TAF4B: variants seen among roughly 807,000 people sequenced by gnomAD.
TAF4B encodes transcription initiation factor TFIID subunit 4B.
TAF4B carries 38 observed loss-of-function variants against 86.4 expected under a neutral mutation model. The ratio of observed to expected loss-of-function variants is 0.44; its 90% CI spans 0.34 to 0.58. TAF4B has a LOEUF of 0.58. Ranked by LOEUF, TAF4B falls within the 20% of genes least tolerant of loss-of-function variation. TAF4B has a pLI of 0.02. For synonymous variants in TAF4B, 388 were observed against 391.2 expected, an observed-to-expected ratio of 0.99 and a Z score of 0.10; for missense variants, 988 against 1,027.6, an observed-to-expected ratio of 0.96 and a Z score of 0.53.
At chr18:26,276,589 C>T (rs1677278958) in intron 5 of TAF4B, among the ~76,000 whole-genome samples, 1 of 152,096 alleles carries the variant, frequency 6.6e-6, no homozygotes, top group South Asian at 2.1e-4. Context: ...TTAATGCTGC[C>T]TGTAAGATGT....
intron 10 of TAF4B, 74 bp downstream of exon 10, chr18:26,315,472 C>A: frequency 8.0e-7 from 1 of 1,247,924 alleles, no homozygotes; most frequent in Non-Finnish European, 1.1e-6. Flanking sequence ...AAGAGACAAC[C>A]TGGGTTGGTT....
intron 13 of TAF4B, among the ~76,000 whole-genome samples, chr18:26,336,487 A>C (rs1285019971): frequency 6.6e-6 from 1 of 152,080 alleles, no homozygotes; most frequent in Non-Finnish European, 1.5e-5. Context: ...AAATACATGA[A>C]CTCTGGGTGG....
chr18:26,281,105 G>A (rs542768039), intron 5 of TAF4B, among the ~76,000 whole-genome samples: 5 of 152,204 alleles, frequency 3.3e-5, no homozygotes, highest in East Asian at 3.9e-4. Flanking sequence ...ACACTTGGAC[G>A]TAAAGATGGG....
At chr18:26,289,661 A>G (rs529958768) in intron 7 of TAF4B, among the ~76,000 whole-genome samples, 1 of 152,112 alleles carries the variant, frequency 6.6e-6, no homozygotes, top group Non-Finnish European at 1.5e-5. Context: ...TAATTTTTCT[A>G]TGTTTTTAGT....
At chr18:26,285,818 A>T in intron 6 of TAF4B, 64 bp from the exon 7 acceptor site, 7 of 1,542,288 alleles carry the variant, frequency 4.5e-6, no homozygotes, top group Non-Finnish European at 6.1e-6. Context: ...ATGAAATACC[A>T]CATTTTGTTT....
intron 14 of TAF4B, among the ~76,000 whole-genome samples, chr18:26,364,656 A>G (rs982783537): frequency 2.0e-5 from 3 of 152,190 alleles, no homozygotes; most frequent in African/African-American, 4.8e-5. Context: ...TAGCACAAAG[A>G]TAAGTTACAT....
intron 10 of TAF4B, among the ~76,000 whole-genome samples, chr18:26,320,331 AT>A (rs535033071): frequency 1.1e-3 from 174 of 152,310 alleles, no homozygotes; most frequent in African/African-American, 3.9e-3. Context: ...TACTATTTAA[AT>A]TACGGACAAG....
At chr18:26,352,677 GC>G (rs950035180) in intron 13 of TAF4B, among the ~76,000 whole-genome samples, 2 of 152,094 alleles carry the variant, frequency 1.3e-5, no homozygotes, top group Non-Finnish European at 2.9e-5. Flanking sequence ...GATCCCATAA[GC>G]CCAGGAGGTG....
intron 14 of TAF4B, among the ~76,000 whole-genome samples, chr18:26,364,408 C>G (rs1373968086): frequency 6.9e-6 from 1 of 144,268 alleles, no homozygotes; most frequent in East Asian, 1.9e-4. Context: ...GTAGGCCGTA[C>G]AGATATTGAT....
Position 26,335,232 on chromosome 18 carries a change from G to GT in TAF4B, c.2316+2dup. On this transcript the variant is annotated splice_donor_variant, in intron 13 of 14. Transcript: ENST00000269142. LOFTEE classifies it high-confidence loss of function. ...GAGATTAAAGCAGAAAGCCAAAGAG[G>GT]TAGGACTTTCAAGTTACCATGCTTG... The GT allele has an allele frequency of 6.2e-7, 1 of 1,613,208 alleles. No homozygotes were observed. The highest frequency in any genetic ancestry group is 1.1e-5 in the South Asian group (1 of 90,962).
At chr18:26,255,791 A>G in intron 1 of TAF4B, 3 of 1,502,046 alleles carry the variant, frequency 2.0e-6, no homozygotes, top group South Asian at 1.1e-5. Flanking sequence ...GCTTGAAGAG[A>G]TGTGTGTCAA....
chr18:26,303,851 T>C (rs2144641171), intron 9 of TAF4B, among the ~76,000 whole-genome samples: 1 of 152,302 alleles, frequency 6.6e-6, no homozygotes, highest in Non-Finnish European at 1.5e-5. Flanking sequence ...ATAATTTGGA[T>C]CCTTCTATGA....
At chr18:26,354,904 T>A (rs973624020) in intron 13 of TAF4B, among the ~76,000 whole-genome samples, 1 of 152,222 alleles carries the variant, frequency 6.6e-6, no homozygotes, top group African/African-American at 2.4e-5. Context: ...TTTCTTTCCA[T>A]ATAAACTTTA....
intron 3 of TAF4B, among the ~76,000 whole-genome samples, chr18:26,274,051 G>A (rs755531558): frequency 5.9e-5 from 9 of 152,086 alleles, no homozygotes; most frequent in Admixed American, 1.3e-4. Context: ...TTGCTTGTAT[G>A]AGGTTTTTGT....
intron 14 of TAF4B, among the ~76,000 whole-genome samples, chr18:26,386,996 T>C (rs1168950700): frequency 1.3e-5 from 2 of 152,240 alleles, no homozygotes; most frequent in African/African-American, 4.8e-5. Context: ...TTTATAAACA[T>C]ATAGATACAG....
At chr18:26,367,638 C>A (rs937235302) in intron 14 of TAF4B, among the ~76,000 whole-genome samples, 1 of 152,120 alleles carries the variant, frequency 6.6e-6, no homozygotes, top group African/African-American at 2.4e-5. Flanking sequence ...AATGTTTTAC[C>A]AGCTATCTGG....
In TAF4B at chr18:26,226,924, C is replaced by T. The variant is rs1881785825; in HGVS notation, c.-10C>T. On this transcript the variant is annotated 5_prime_UTR_variant, in exon 1 of 15. Coordinates refer to ENST00000269142, the MANE Select transcript of TAF4B (RefSeq NM_005640.3). ...CCGCAGCGCCAAAGCTGCCGCTGAG[C>T]CCCTGGGGGATGCCCGCCGGCCTCA... 9 of 1,368,660 alleles carry T rather than the reference C, an allele frequency of 6.6e-6. No homozygotes were observed. In the South Asian group the frequency reaches 1.0e-4, roughly 16 times the overall value. The allele number at this position is 1,368,660 out of a possible 1,614,324, so 84.8% of individuals were successfully genotyped here. A position where few individuals can be genotyped will look rare whatever the true frequency, so the allele number is the denominator to read the frequency against.
At chr18:26,293,973 G>A (rs929227666) in intron 9 of TAF4B, among the ~76,000 whole-genome samples, 1 of 152,124 alleles carries the variant, frequency 6.6e-6, no homozygotes, top group Non-Finnish European at 1.5e-5. Flanking sequence ...TGGAATATTA[G>A]ACGATGGTTC....
intron 1 of TAF4B, among the ~76,000 whole-genome samples, chr18:26,257,978 G>A (rs2056110130): frequency 6.6e-6 from 1 of 152,060 alleles, no homozygotes; most frequent in Non-Finnish European, 1.5e-5. Flanking sequence ...AGCTGAGGCT[G>A]GGTGTGGTGG....
Sources: gnomAD v4.1 joint callset for allele counts (sites outside exome capture counted in the v4.1 genomes callset) on GRCh38, gnomAD v4.1.1 for gene constraint, MANE v1.5 for transcripts, NCBI Gene and HGNC (gene_info 2026-07-23, HGNC 2026-07-21) for gene names.